Variants in RBFOX1 observed in about 807,000 individuals in gnomAD.
The protein encoded by RBFOX1 is RNA binding protein fox-1 homolog 1.
A neutral mutation model predicts 57.7 loss-of-function variants in RBFOX1; 8 were observed. The ratio of observed to expected loss-of-function variants is 0.14; its 90% confidence interval spans 0.08 to 0.25. RBFOX1 has a LOEUF of 0.25. Ranked by LOEUF, RBFOX1 falls within the 10% of genes least tolerant of loss-of-function variation. The pLI, the probability that RBFOX1 is intolerant of heterozygous loss-of-function variation, is 1.00. For synonymous variants in RBFOX1, 326 were observed against 222.4 expected (o/e 1.47, Z -4.15); for missense variants, 611 against 548.5 (o/e 1.11, Z -1.14).
intron 1 of RBFOX1, among the ~76,000 whole-genome samples, chr16:5,240,659 G>A (rs1417008682): frequency 7.9e-5 from 12 of 151,208 alleles, no homozygotes; most frequent in East Asian, 3.9e-4. Flanking sequence ...TTCCATCCCA[G>A]AAATCGCTCT....
Position 5,783,616 on chromosome 16 carries a change from T to C in RBFOX1, c.319-83687T>C, listed in dbSNP as rs537307476. Among the ~76,000 whole-genome samples the C allele has an allele frequency of 3.3e-5, 5 of 152,360 alleles. No homozygotes were observed. In the East Asian group the frequency reaches 7.7e-4, roughly 23 times the overall value. On this transcript the variant is annotated intron_variant, in intron 3 of 19. Coordinates refer to the RBFOX1 transcript ENST00000641259. ...TTTTAACATAATTGTTTTCAGACTTTACACACCATTTCCCCTGCTTTTTAA... is the reference window on the plus strand; with the variant it reads ...TTTTAACATAATTGTTTTCAGACTTCACACACCATTTCCCCTGCTTTTTAA...
chr16:6,302,920 C>G (rs1315885623), intron 1 of RBFOX1, among the ~76,000 whole-genome samples: 4 of 152,094 alleles, frequency 2.6e-5, no homozygotes, highest in Admixed American at 2.0e-4. Flanking sequence ...TGAAAAGTAG[C>G]ATAAATGACT....
intron 4 of RBFOX1, among the ~76,000 whole-genome samples, chr16:7,465,270 C>A (rs1037136772): frequency 6.6e-6 from 1 of 152,208 alleles, no homozygotes; most frequent in Non-Finnish European, 1.5e-5. Flanking sequence ...AATTGAAGTA[C>A]ACACTCATTA....
chr16:6,944,397 G>GAAAAA (rs199499186), intron 3 of RBFOX1, among the ~76,000 whole-genome samples: 1 of 106,098 alleles, frequency 9.4e-6, no homozygotes. Context: ...CCATCTCAGA[G>GAAAAA]AAAAAAAAAA....
chr16:5,972,460 A>G (rs2059982278), intron 4 of RBFOX1, among the ~76,000 whole-genome samples: 1 of 152,036 alleles, frequency 6.6e-6, no homozygotes, highest in Non-Finnish European at 1.5e-5. Flanking sequence ...TCCATCATTC[A>G]CTCCATCAAG....
chr16:7,071,270 C>G (rs1456567345), intron 4 of RBFOX1, among the ~76,000 whole-genome samples: 1 of 152,024 alleles, frequency 6.6e-6, no homozygotes, highest in Non-Finnish European at 1.5e-5. Context: ...ATGTCTTGCT[C>G]TCAAGGGCTG....
chr16:5,645,879 T>C (rs1054803372), intron 3 of RBFOX1, among the ~76,000 whole-genome samples: 6 of 152,220 alleles, frequency 3.9e-5, no homozygotes, highest in African/African-American at 1.4e-4. Flanking sequence ...TATGTTGTTA[T>C]GCTGGAATGC....
chr16:6,572,853 C>G (rs1006328194), intron 2 of RBFOX1, among the ~76,000 whole-genome samples: 1 of 152,132 alleles, frequency 6.6e-6, no homozygotes, highest in East Asian at 1.9e-4. Context: ...CTTCGCCTCC[C>G]AAAGTGTTGG....
intron 2 of RBFOX1, among the ~76,000 whole-genome samples, chr16:6,649,008 A>AT (rs2098555495): frequency 1.3e-5 from 2 of 152,114 alleles, no homozygotes. Context: ...AGATTACAAC[A>AT]TGTTGTGAAC....
intron 2 of RBFOX1, among the ~76,000 whole-genome samples, chr16:6,494,381 C>T (rs969637887): frequency 2.0e-5 from 3 of 152,150 alleles, no homozygotes; most frequent in Non-Finnish European, 2.9e-5. Context: ...ACCACCTGCC[C>T]CTGTTCTTAA....
intron 3 of RBFOX1, among the ~76,000 whole-genome samples, chr16:5,839,155 AG>A (rs1214473131): frequency 6.6e-6 from 1 of 152,248 alleles, no homozygotes; most frequent in African/African-American, 2.4e-5. Flanking sequence ...AACTAGAAGT[AG>A]ATACAAATTA....
At chr16:7,631,828 C>T (rs1390679289) in intron 11 of RBFOX1, among the ~76,000 whole-genome samples, 3 of 152,206 alleles carry the variant, frequency 2.0e-5, no homozygotes, top group Non-Finnish European at 2.9e-5. Context: ...CTCCCTGTTA[C>T]CAGCAGTCAC....
chr16:5,365,883 C>T (rs1387830770), intron 1 of RBFOX1: 1 of 505,888 alleles, frequency 2.0e-6, no homozygotes, highest in Non-Finnish European at 3.9e-6. Flanking sequence ...CAAAGATGAT[C>T]ACTTCAAGGT....
intron 4 of RBFOX1, among the ~76,000 whole-genome samples, chr16:5,973,056 G>T (rs2059994482): frequency 6.6e-6 from 1 of 152,158 alleles, no homozygotes; most frequent in Non-Finnish European, 1.5e-5. Flanking sequence ...TGTACCAAAG[G>T]TGTGTGGCAG....
intron 4 of RBFOX1, among the ~76,000 whole-genome samples, chr16:7,175,167 A>C (rs559552425): frequency 1.3e-5 from 2 of 151,946 alleles, no homozygotes; most frequent in African/African-American, 4.8e-5. Flanking sequence ...CCCAGCATGC[A>C]TTAGCTCTTT....
chr16:7,102,454 C>T (rs1005603559), intron 4 of RBFOX1, among the ~76,000 whole-genome samples: 2 of 152,172 alleles, frequency 1.3e-5, no homozygotes, highest in East Asian at 1.9e-4. Context: ...AAGAATAAAA[C>T]ATGCCAGGAT....
At chr16:6,993,719 C>T (rs962506666) in intron 3 of RBFOX1, among the ~76,000 whole-genome samples, 3 of 152,172 alleles carry the variant, frequency 2.0e-5, no homozygotes, top group South Asian at 2.1e-4. Context: ...ATCCAATTTG[C>T]GTGTGTTTGG....
chr16:5,502,151 A>C (rs1449829441), intron 2 of RBFOX1, among the ~76,000 whole-genome samples: 1 of 152,176 alleles, frequency 6.6e-6, no homozygotes, highest in Admixed American at 6.5e-5. Flanking sequence ...CTAGGGGAAG[A>C]AATCAAGAGA....
chr16:6,335,787 A>C (rs1325024488), intron 2 of RBFOX1, among the ~76,000 whole-genome samples: 3 of 147,792 alleles, frequency 2.0e-5, no homozygotes, highest in Admixed American at 6.7e-5. Flanking sequence ...AAAAAAAAAA[A>C]AAAGAAAAAA....
Sources: gnomAD v4.1 joint callset for allele counts (sites outside exome capture counted in the v4.1 genomes callset) on GRCh38, gnomAD v4.1.1 for gene constraint, MANE v1.5 for transcripts, NCBI Gene and HGNC (gene_info 2026-07-23, HGNC 2026-07-21) for gene names.